The following ATXN2 variants were observed in gnomAD, a reference collection of about 807,000 sequenced individuals.
ATXN2 encodes the protein ataxin 2.
Under a neutral mutation model 138.6 loss-of-function variants are expected in ATXN2, and 37 were observed. The ratio of observed to expected loss-of-function variants is 0.27; its 90% CI spans 0.21 to 0.35. The LOEUF (loss-of-function observed/expected upper bound fraction) is 0.35, where lower values mean the gene tolerates loss of function less well. Among genes scored for constraint, ATXN2 ranks in the 10% least tolerant of loss-of-function variants. ATXN2 has a pLI of 1.00. For synonymous variants in ATXN2, 549 were observed against 543.7 expected, an observed-to-expected ratio of 1.01 and a Z score of -0.13; for missense variants, 1,216 against 1,480.3, an observed-to-expected ratio of 0.82 and a Z score of 2.93.
At chr12:111,547,834 GA>G (rs1168277498) in intron 5 of ATXN2, among the ~76,000 whole-genome samples, 1 of 130,654 alleles carries the variant, frequency 7.7e-6, no homozygotes, top group East Asian at 2.2e-4. Context: ...TATTGCTTGA[GA>G]ATTTTTTTTT....
intron 18 of ATXN2, among the ~76,000 whole-genome samples, chr12:111,481,727 C>G (rs1285281032): frequency 6.6e-6 from 1 of 152,122 alleles, no homozygotes; most frequent in African/African-American, 2.4e-5. Context: ...GTGATCTCAG[C>G]TCACTGCAGC....
At chr12:111,589,023 A>T (rs887505017) in intron 1 of ATXN2, among the ~76,000 whole-genome samples, 34 of 140,516 alleles carry the variant, frequency 2.4e-4, no homozygotes, top group Admixed American at 2.1e-4. Context: ...AAAAAAAAAA[A>T]ACTAAACCAA....
At chr12:111,488,420 TAAA>T in intron 15 of ATXN2, 53 bp downstream of exon 15, 4 of 1,080,060 alleles carry the variant, frequency 3.7e-6, no homozygotes, top group Non-Finnish European at 3.8e-6. Flanking sequence ...TAAATGCCTT[TAAA>T]AAAAAAAAAG....
intron 21 of ATXN2, among the ~76,000 whole-genome samples, chr12:111,460,578 T>C (rs1015974282): frequency 1.6e-4 from 24 of 152,270 alleles, no homozygotes; most frequent in African/African-American, 5.8e-4. Flanking sequence ...TCAGAGGTTT[T>C]TGTTTTTTTT....
chr12:111,591,420 A>C (rs891618241), intron 1 of ATXN2, among the ~76,000 whole-genome samples: 6 of 152,284 alleles, frequency 3.9e-5, no homozygotes, highest in African/African-American at 1.4e-4. Flanking sequence ...CTGTAATCTC[A>C]GCACTTTGGG....
In ATXN2 at chr12:111,493,249, G is replaced by A. The variant is rs1592828804; in HGVS notation, c.1936-4469C>T. Among the ~76,000 whole-genome samples, 3 of 151,612 alleles carry A rather than the reference G, an allele frequency of 2.0e-5. No individual in the cohort carries two copies. The South Asian group carries it at 6.3e-4, about 32-fold the overall frequency. On this transcript the variant is annotated intron_variant, in intron 14 of 24. Transcript: ENST00000673436. ...AGCCTGGCAAATATGGCAAAACCCC[G>A]TCTTTACTAAAAATACAAAAAGTAG...
intron 14 of ATXN2, among the ~76,000 whole-genome samples, chr12:111,506,363 T>C (rs1171143346): frequency 1.3e-5 from 2 of 152,218 alleles, no homozygotes; most frequent in Non-Finnish European, 2.9e-5. Flanking sequence ...GGTTGATTTA[T>C]ATATGTAAAT....
intron 1 of ATXN2, among the ~76,000 whole-genome samples, chr12:111,558,346 C>T (rs1433525644): frequency 1.3e-5 from 2 of 151,964 alleles, no homozygotes; most frequent in African/African-American, 2.4e-5. Context: ...AATACTGAAC[C>T]GCAATAAACA....
chr12:111,598,906 G>A lies in ATXN2; in HGVS notation c.129C>T (p.Gly43=), dbSNP rs1424225194. 4 of 1,508,846 alleles carry A rather than the reference G, an allele frequency of 2.7e-6. No homozygotes were observed. The African/African-American group carries it at 5.7e-5, about 22-fold the overall frequency. 93.5% of individuals were successfully genotyped at this position (1,508,846 alleles called of 1,614,324 possible). The part of the protein sequence containing the change: ...AANVRKPGGS[G]LLASPAAAPS... The stretch of plus-strand genomic sequence containing the variant: ...GCGCGGCGGCGGGCGACGCTAGAAG[G>A]CCGCTGCCGCCGGGCTTGCGGACAT... Residue 43 remains glycine, a synonymous_variant, in exon 1 of 25, where the codon GGC becomes GGT. Coordinates refer to ENST00000673436, the MANE Select transcript of ATXN2 (RefSeq NM_001372574.1). The surrounding 1 kb of genome is among the most constrained non-coding windows in gnomAD (Gnocchi z 4.5).
intron 14 of ATXN2, among the ~76,000 whole-genome samples, chr12:111,494,055 G>A (rs1036805958): frequency 1.3e-5 from 2 of 150,870 alleles, no homozygotes; most frequent in Non-Finnish European, 3.0e-5. Context: ...CTCAGCCTCC[G>A]AGTAGCTGGG....
upstream of ATXN2, chr12:111,599,613 T>A (rs904782286): frequency 2.8e-6 from 3 of 1,062,896 alleles, no homozygotes; most frequent in Non-Finnish European, 3.4e-6. Context: ...GAACGTGAGG[T>A]GGCCCCGGGG....
At chr12:111,509,716 A>C (rs1879390300) in intron 13 of ATXN2, 97 bp from the exon 14 acceptor site, 1 of 935,630 alleles carries the variant, frequency 1.1e-6, no homozygotes, top group African/African-American at 1.7e-5. Flanking sequence ...ATAAGATATA[A>C]GATCAGAAAA....
chr12:111,530,935 G>A (rs1880793866), intron 5 of ATXN2, among the ~76,000 whole-genome samples: 2 of 151,782 alleles, frequency 1.3e-5, no homozygotes, highest in South Asian at 4.1e-4. Flanking sequence ...AGACCAGCCT[G>A]ACCAACATGG....
chr12:111,518,052 T>C (rs1237565726), intron 9 of ATXN2, among the ~76,000 whole-genome samples, 197 bp downstream of exon 9: 5 of 152,224 alleles, frequency 3.3e-5, no homozygotes. Context: ...CTAAATAATA[T>C]ATATGTCAAT....
intron 1 of ATXN2, among the ~76,000 whole-genome samples, chr12:111,582,727 G>A (rs935085875): frequency 1.3e-5 from 2 of 152,164 alleles, no homozygotes; most frequent in African/African-American, 4.8e-5. Flanking sequence ...GGAGTGCAGT[G>A]GCACCATCTC....
intron 18 of ATXN2, chr12:111,471,944 T>C (rs756420905): frequency 2.6e-5 from 4 of 152,128 alleles, no homozygotes; most frequent in African/African-American, 4.8e-5. Flanking sequence ...ATATCATGTG[T>C]TTGTCTCCAC....
intron 1 of ATXN2, among the ~76,000 whole-genome samples, chr12:111,585,848 CTTG>C (rs1884297924): frequency 7.5e-6 from 1 of 133,664 alleles, no homozygotes; most frequent in Non-Finnish European, 1.6e-5. Context: ...GAATGGTATA[CTTG>C]TTGAGCTCTT....
At chr12:111,521,811 A>G (rs1880172773) in intron 6 of ATXN2, among the ~76,000 whole-genome samples, 1 of 152,200 alleles carries the variant, frequency 6.6e-6, no homozygotes, top group South Asian at 2.1e-4. Flanking sequence ...GAAAGTAAAT[A>G]AAAGAATCCT....
chr12:111,597,998 CG>C, intron 1 of ATXN2: 2 of 1,200,728 alleles, frequency 1.7e-6, no homozygotes, highest in East Asian at 5.8e-5. Flanking sequence ...AGAGGTCTGG[CG>C]GGGGAAGGAG....
Sources: gnomAD v4.1 joint callset for allele counts (sites outside exome capture counted in the v4.1 genomes callset) on GRCh38, gnomAD v4.1.1 for gene constraint, Gnocchi (gnomAD v3.1) non-coding constraint, MANE v1.5 for transcripts, NCBI Gene and HGNC (gene_info 2026-07-23, HGNC 2026-07-21) for gene names.